Variants in UBR1 observed in about 807,000 individuals in gnomAD.
UBR1 encodes ubiquitin protein ligase E3 component n-recognin 1.
In UBR1, 102 loss-of-function variants were observed where a neutral mutation model predicts 242.1. The observed-to-expected ratio is 0.42, with a 90% CI of 0.36 to 0.50. UBR1 has a LOEUF of 0.50. UBR1 is among the 20% of genes least tolerant of loss of function. The probability of loss-of-function intolerance (pLI) is 0.01; values close to 1 mark genes in which losing one functional copy is unlikely to be tolerated. For synonymous variants in UBR1, 675 were observed against 684.8 expected (o/e 0.99, Z 0.22); for missense variants, 1,772 against 2,101.8 (o/e 0.84, Z 3.07).
At chr15:42,976,937 A>T (rs2032299885) in intron 38 of UBR1, 70 bp from the exon 39 acceptor site, 1 of 1,522,996 alleles carries the variant, frequency 6.6e-7, no homozygotes, top group Non-Finnish European at 9.0e-7. Flanking sequence ...TCATAACTAA[A>T]TGTGAAGGGC....
chr15:42,950,450 G>A (rs537356834), intron 45 of UBR1, 87 bp from the exon 46 acceptor site: 37 of 1,116,614 alleles, frequency 3.3e-5, no homozygotes, highest in Middle Eastern at 1.9e-4. Context: ...GAGAAAAGAC[G>A]TGGCCAATAT....
intron 1 of UBR1, among the ~76,000 whole-genome samples, chr15:43,089,027 TG>T (rs1040867041): frequency 1.3e-5 from 2 of 151,550 alleles, no homozygotes; most frequent in African/African-American, 4.9e-5. Context: ...CCAGGCATGA[TG>T]GCATGCACCT....
At chr15:42,963,297 G>A (rs1044027855) in intron 42 of UBR1, among the ~76,000 whole-genome samples, 1 of 152,016 alleles carries the variant, frequency 6.6e-6, no homozygotes, top group African/African-American at 2.4e-5. Context: ...TAAAGAAAAA[G>A]GTAGAAAGCA....
intron 20 of UBR1, 77 bp from the exon 21 acceptor site, chr15:43,030,145 TACAC>T: frequency 6.7e-7 from 1 of 1,486,254 alleles, no homozygotes; most frequent in Non-Finnish European, 9.2e-7. Flanking sequence ...CAGAAGCACT[TACAC>T]ACAGAACACT....
At chr15:43,064,210 G>A (rs926141123) in intron 6 of UBR1, among the ~76,000 whole-genome samples, 13 of 152,184 alleles carry the variant, frequency 8.5e-5, no homozygotes, top group Non-Finnish European at 1.6e-4. Context: ...GGGGGAGGAG[G>A]TGGAGAGAAG....
At chr15:43,058,546 C>G in intron 9 of UBR1, 117 bp from the exon 10 acceptor site, 1 of 668,354 alleles carries the variant, frequency 1.5e-6, no homozygotes, top group Non-Finnish European at 2.7e-6. Context: ...TGCAAACAGA[C>G]CTCAAATAGT....
chr15:43,005,226 C>T (rs1257939389), intron 30 of UBR1, among the ~76,000 whole-genome samples: 2 of 152,068 alleles, frequency 1.3e-5, no homozygotes, highest in African/African-American at 2.4e-5. Context: ...GCCCGGCAGC[C>T]GCCCGGTCCA....
At chr15:43,003,781 G>C in intron 31 of UBR1, 56 bp downstream of exon 31, 2 of 1,537,998 alleles carry the variant, frequency 1.3e-6, no homozygotes, top group African/African-American at 1.4e-5. Flanking sequence ...TTGTGGCCTT[G>C]AGTGAACTTC....
At position 43,077,739 on chromosome 15, in the gene UBR1, G is replaced by C. The variant is rs899859658; in HGVS notation, c.418-2650C>G. 3.9e-4 allele frequency among the ~76,000 whole-genome samples: 59 copies of C among 149,686 alleles called. 1 individual carries two copies. The highest frequency in any genetic ancestry group is 3.9e-3 in the Admixed American group (59 of 15,080). On this transcript the variant is annotated intron_variant, in intron 3 of 46. Coordinates refer to ENST00000290650, the MANE Select transcript of UBR1 (RefSeq NM_174916.3). The stretch of plus-strand genomic sequence containing the variant: ...ACATAGTACTTAAGAAATGTATAAA[G>C]TATTTTAATTTACACAAATATCCCA...
intron 1 of UBR1, among the ~76,000 whole-genome samples, chr15:43,100,024 C>T (rs1352198536): frequency 3.9e-5 from 6 of 151,980 alleles, no homozygotes; most frequent in African/African-American, 1.5e-4. Context: ...TACAGGCGCC[C>T]GCCATCATGC....
chr15:43,059,324 C>T (rs984444326), intron 8 of UBR1, 132 bp from the exon 9 acceptor site: 3 of 776,538 alleles, frequency 3.9e-6, no homozygotes, highest in African/African-American at 3.4e-5. Context: ...CTCAGCCTCT[C>T]ACAGTGCTGG....
chr15:43,034,999 T>C (rs1392247459), intron 19 of UBR1, among the ~76,000 whole-genome samples: 2 of 151,952 alleles, frequency 1.3e-5, no homozygotes, highest in Non-Finnish European at 2.9e-5. Context: ...AATACTGAGC[T>C]ACAAATGTTT....
chr15:42,945,162 A>T lies in UBR1; in HGVS notation c.*167T>A. On this transcript the variant is annotated 3_prime_UTR_variant, in exon 47 of 47. Coordinates refer to ENST00000290650, the MANE Select transcript of UBR1 (RefSeq NM_174916.3). Reference sequence around the variant, plus strand: ...TTTTCCTGTGAAGCATATGTTTGCTAATTGAAAGCAATACTCCATTAAGAA... The same window carrying T: ...TTTTCCTGTGAAGCATATGTTTGCTTATTGAAAGCAATACTCCATTAAGAA... The T allele has an allele frequency of 1.2e-6, 1 of 851,400 alleles. No individual in the cohort carries two copies. Among genetic ancestry groups the T allele is most frequent in the Non-Finnish European group, 1.9e-6 (1 of 539,640 alleles). The allele number at this position is 851,400 out of a possible 1,614,324, so 52.7% of individuals were successfully genotyped here. A position where few individuals can be genotyped will look rare whatever the true frequency, so the allele number is the denominator to read the frequency against.
chr15:43,029,135 A>T (rs1468611545), intron 21 of UBR1, among the ~76,000 whole-genome samples: 1 of 152,188 alleles, frequency 6.6e-6, no homozygotes, highest in African/African-American at 2.4e-5. Context: ...GCACACACAC[A>T]CACATCTCTA....
At chr15:43,011,709 G>A (rs2032925559) in intron 29 of UBR1, among the ~76,000 whole-genome samples, 1 of 152,140 alleles carries the variant, frequency 6.6e-6, no homozygotes, top group African/African-American at 2.4e-5. Context: ...CACTCTGGAT[G>A]GTAATGTGGC....
At chr15:42,960,546 G>A in intron 43 of UBR1, 99 bp downstream of exon 43, 1 of 1,197,872 alleles carries the variant, frequency 8.3e-7, no homozygotes, top group Non-Finnish European at 1.2e-6. Flanking sequence ...TACTGAGTGA[G>A]AATGAAGAAA....
At chr15:42,973,112 G>A (rs1300783405) in intron 39 of UBR1, among the ~76,000 whole-genome samples, 1 of 152,160 alleles carries the variant, frequency 6.6e-6, no homozygotes, top group Non-Finnish European at 1.5e-5. Flanking sequence ...TGAACATTAT[G>A]ATCACTTACC....
At chr15:43,025,090 A>G in intron 24 of UBR1, 107 bp from the exon 25 acceptor site, 1 of 1,377,610 alleles carries the variant, frequency 7.3e-7, no homozygotes, top group Non-Finnish European at 1.0e-6. Flanking sequence ...GGTTACATGC[A>G]AAACAACACA....
At chr15:43,016,970 A>G in intron 28 of UBR1, 125 bp downstream of exon 28, 1 of 702,934 alleles carries the variant, frequency 1.4e-6, no homozygotes, top group Non-Finnish European at 2.6e-6. Context: ...AAAGATGGAC[A>G]GATCTCATAT....
Sources: allele counts gnomAD v4.1 joint callset (sites outside exome capture counted in the v4.1 genomes callset), GRCh38; gene constraint gnomAD v4.1.1; transcripts MANE v1.5; gene names NCBI Gene and HGNC (gene_info 2026-07-23, HGNC 2026-07-21).